The following TGFBR3 variants were observed in gnomAD, a reference collection of about 807,000 sequenced individuals.
TGFBR3 encodes the protein transforming growth factor beta receptor 3.
In TGFBR3, 46 loss-of-function variants were observed where a neutral mutation model predicts 87.9. The ratio of observed to expected loss-of-function variants is 0.52; its 90% CI spans 0.41 to 0.67. The LOEUF is 0.67. TGFBR3 is among the 30% of genes least tolerant of loss of function. The pLI is 0.00. For missense variants in TGFBR3, 866 were observed against 1,041.9 expected, an observed-to-expected ratio of 0.83 and a Z score of 2.32; for synonymous variants, 381 against 391.6, an observed-to-expected ratio of 0.97 and a Z score of 0.32.
At chr1:91,696,934 G>A (rs1025023683) in intron 15 of TGFBR3, among the ~76,000 whole-genome samples, 4 of 152,218 alleles carry the variant, frequency 2.6e-5, no homozygotes, top group Non-Finnish European at 5.9e-5. Context: ...GAACAAGTCT[G>A]GAAGGATCCG....
At chr1:91,884,590 G>A (rs1292241151) in intron 1 of TGFBR3, among the ~76,000 whole-genome samples, 3 of 152,180 alleles carry the variant, frequency 2.0e-5, no homozygotes, top group Admixed American at 2.0e-4. Flanking sequence ...GAGGAAGGAA[G>A]GTAGCTTTGG....
chr1:91,803,420 A>C (rs1348581659), intron 2 of TGFBR3, among the ~76,000 whole-genome samples: 1 of 152,214 alleles, frequency 6.6e-6, no homozygotes, highest in Non-Finnish European at 1.5e-5. Flanking sequence ...TGTAACAGGC[A>C]GCACTAGAGC....
intron 1 of TGFBR3, among the ~76,000 whole-genome samples, chr1:91,865,906 C>T (rs1223383948): frequency 1.7e-5 from 2 of 114,536 alleles, no homozygotes; most frequent in Admixed American, 9.7e-5. Context: ...AGCGAGACTA[C>T]GTCTCCCAAA....
chr1:91,866,627 C>A (rs1449671829), intron 1 of TGFBR3: 3 of 152,212 alleles, frequency 2.0e-5, no homozygotes, highest in African/African-American at 7.2e-5. Flanking sequence ...GCTTACTCTG[C>A]TAAGCAGTGG....
intron 2 of TGFBR3, among the ~76,000 whole-genome samples, chr1:91,859,784 C>A (rs1678103028): frequency 6.6e-6 from 1 of 151,904 alleles, no homozygotes; most frequent in African/African-American, 2.4e-5. Context: ...TGGCACACGC[C>A]TGTAGTCCCA....
At chr1:91,861,673 TAATG>T in intron 1 of TGFBR3, 29 bp from the exon 2 acceptor site, 1 of 701,850 alleles carries the variant, frequency 1.4e-6, no homozygotes, top group Non-Finnish European at 2.6e-6. Flanking sequence ...TAAGAAAACT[TAATG>T]AAGAAACTTC....
At chr1:91,786,185 C>T (rs1429313770) in intron 3 of TGFBR3, 2 of 456,098 alleles carry the variant, frequency 4.4e-6, no homozygotes, top group Non-Finnish European at 8.8e-6. Context: ...AGAGCACCTA[C>T]CTAGCACACA....
intron 1 of TGFBR3, among the ~76,000 whole-genome samples, chr1:91,873,949 CAA>C (rs769246405): frequency 3.5e-4 from 37 of 104,860 alleles, no homozygotes; most frequent in South Asian, 2.9e-4. Context: ...GACCCTGCCA[CAA>C]AAAAAAAAAA....
At chr1:91,898,834 A>T (rs1406051979) in intron 2 of TGFBR3, among the ~76,000 whole-genome samples, 1 of 152,170 alleles carries the variant, frequency 6.6e-6, no homozygotes, top group Non-Finnish European at 1.5e-5. Flanking sequence ...AATTACAATG[A>T]TTTTAAAACC....
intron 1 of TGFBR3, among the ~76,000 whole-genome samples, chr1:91,899,864 C>T (rs1488741876): frequency 6.6e-6 from 1 of 151,710 alleles, no homozygotes; most frequent in Admixed American, 6.6e-5. Context: ...GGCAGGAGAA[C>T]CACTTTAGCC....
At chr1:91,839,672 AT>A (rs1677195079) in intron 2 of TGFBR3, among the ~76,000 whole-genome samples, 1 of 152,214 alleles carries the variant, frequency 6.6e-6, no homozygotes, top group Non-Finnish European at 1.5e-5. Flanking sequence ...ATTGAGGGAC[AT>A]TCTCCAGTAG....
chr1:91,867,488 A>G (rs1678431692), intron 1 of TGFBR3, among the ~76,000 whole-genome samples: 1 of 152,206 alleles, frequency 6.6e-6, no homozygotes, highest in South Asian at 2.1e-4. Context: ...GTCCGTCCTT[A>G]AGAGCCCTTC....
chr1:91,711,360 C>G (rs1671976711), intron 13 of TGFBR3, among the ~76,000 whole-genome samples: 1 of 152,204 alleles, frequency 6.6e-6, no homozygotes, highest in South Asian at 2.1e-4. Context: ...CAATTGTAAT[C>G]TATTTGGAAA....
intron 12 of TGFBR3, among the ~76,000 whole-genome samples, chr1:91,715,205 A>G (rs1672121767): frequency 6.6e-6 from 1 of 152,234 alleles, no homozygotes; most frequent in Admixed American, 6.5e-5. Flanking sequence ...AGGGCACAAG[A>G]AACAGCAGAC....
intron 8 of TGFBR3, 106 bp downstream of exon 8, chr1:91,721,849 T>C: frequency 1.9e-6 from 2 of 1,047,246 alleles, no homozygotes; most frequent in Non-Finnish European, 2.8e-6. Context: ...ATTATTAAAA[T>C]GTACAAGAGA....
chr1:91,902,937 C>T (rs1256213483), intron 1 of TGFBR3, among the ~76,000 whole-genome samples: 1 of 151,626 alleles, frequency 6.6e-6, no homozygotes, highest in East Asian at 1.9e-4. Flanking sequence ...CAGGGATGCC[C>T]TCCAGATCTT....
chr1:91,856,579 C>T lies in TGFBR3; in HGVS notation c.61+4892G>A, dbSNP rs1677964386. Reference sequence around the variant, plus strand: ...TTACGTGCTCCCTTGTGCTCTGCCCCTCCTCTGGCCACATAACCAAAAGGA... The same window carrying T: ...TTACGTGCTCCCTTGTGCTCTGCCCTTCCTCTGGCCACATAACCAAAAGGA... On this transcript the variant is annotated intron_variant, in intron 2 of 16. Coordinates refer to ENST00000212355, the MANE Select transcript of TGFBR3 (RefSeq NM_003243.5). Among the ~76,000 whole-genome samples, 9 of 152,208 alleles carry T rather than the reference C, an allele frequency of 5.9e-5. No homozygotes were observed. The South Asian group carries it at 1.4e-3, about 25-fold the overall frequency.
chr1:91,768,212 CAA>C (rs3039442), intron 3 of TGFBR3, among the ~76,000 whole-genome samples: 1 of 127,380 alleles, frequency 7.9e-6, no homozygotes. Context: ...AACTCCATCT[CAA>C]AAAAAAAAAA....
intron 3 of TGFBR3, among the ~76,000 whole-genome samples, chr1:91,797,056 G>GA (rs1297345330): frequency 1.3e-5 from 2 of 152,018 alleles, no homozygotes; most frequent in African/African-American, 2.4e-5. Flanking sequence ...TCTTATGAAC[G>GA]TTTTTTTCCA....
Sources: gnomAD v4.1 joint callset for allele counts (sites outside exome capture counted in the v4.1 genomes callset) on GRCh38, gnomAD v4.1.1 for gene constraint, MANE v1.5 for transcripts, NCBI Gene and HGNC (gene_info 2026-07-23, HGNC 2026-07-21) for gene names.